Variants in SUPT3H observed in about 807,000 individuals in gnomAD.
SUPT3H encodes the protein transcription initiation protein SPT3 homolog.
SUPT3H carries 44 observed loss-of-function variants against 44.3 expected under a neutral mutation model. The ratio of observed to expected loss-of-function variants is 0.99; its 90% CI spans 0.78 to 1.28. SUPT3H has a LOEUF of 1.28. Ranked by LOEUF, SUPT3H falls within the 50% of genes most tolerant of loss-of-function variation. The pLI is 0.00. For missense variants in SUPT3H, 380 were observed against 387.1 expected (o/e 0.98, Z 0.15); for synonymous variants, 124 against 125.6 (o/e 0.99, Z 0.09).
At chr6:45,079,181 A>T (rs528602228) in intron 3 of SUPT3H, among the ~76,000 whole-genome samples, 1 of 152,048 alleles carries the variant, frequency 6.6e-6, no homozygotes, top group African/African-American at 2.4e-5. Flanking sequence ...GTGGCAGCAC[A>T]GGCCTGTAGT....
chr6:45,198,029 T>TA (rs987392347), intron 2 of SUPT3H, among the ~76,000 whole-genome samples: 3 of 151,202 alleles, frequency 2.0e-5, no homozygotes, highest in African/African-American at 7.3e-5. Context: ...TTTCTAGAAA[T>TA]AAAAAAATCT....
intron 5 of SUPT3H, among the ~76,000 whole-genome samples, chr6:45,012,966 AG>A (rs907815772): frequency 6.6e-6 from 1 of 152,204 alleles, no homozygotes; most frequent in African/African-American, 2.4e-5. Context: ...AGTTTTAGTC[AG>A]GGGGTGTTTG....
At chr6:45,240,293 C>G (rs757593784) in intron 2 of SUPT3H, among the ~76,000 whole-genome samples, 1 of 152,098 alleles carries the variant, frequency 6.6e-6, no homozygotes, top group African/African-American at 2.4e-5. Flanking sequence ...CCTGTCACAA[C>G]GAGTAATTTA....
At chr6:44,902,660 C>T (rs1360961781) in intron 10 of SUPT3H, among the ~76,000 whole-genome samples, 1 of 152,176 alleles carries the variant, frequency 6.6e-6, no homozygotes, top group African/African-American at 2.4e-5. Context: ...GAATTGAACT[C>T]AGCTCTGCAC....
rs371186773 is a variant in SUPT3H, at chr6:45,342,011, C to T, written c.101+23190G>A. Among the ~76,000 whole-genome samples, 20 of 151,044 alleles carry T rather than the reference C, an allele frequency of 1.3e-4. No individual in the cohort carries two copies. The South Asian group carries it at 3.8e-3, about 28-fold the overall frequency. ...TTATTAACCTAGCATTAAAAAAAAA[C>T]GGAGACTGGACTGAAAAATATGGGC... is the stretch of plus-strand genomic sequence containing the variant. On this transcript the variant is annotated intron_variant, in intron 2 of 10. Coordinates refer to ENST00000371459, the MANE Select transcript of SUPT3H (RefSeq NM_003599.4).
At chr6:45,362,484 A>G (rs1051220889) in intron 2 of SUPT3H, among the ~76,000 whole-genome samples, 2 of 152,222 alleles carry the variant, frequency 1.3e-5, no homozygotes, top group African/African-American at 4.8e-5. Context: ...TGAAATATAC[A>G]TAAGCAAGAA....
chr6:45,320,340 T>C (rs749236708), intron 2 of SUPT3H, among the ~76,000 whole-genome samples: 2 of 152,070 alleles, frequency 1.3e-5, no homozygotes, highest in Non-Finnish European at 2.9e-5. Flanking sequence ...CACAGCTCAC[T>C]GCAGCCTGCA....
intron 2 of SUPT3H, among the ~76,000 whole-genome samples, chr6:45,112,924 T>C (rs1351341690): frequency 6.6e-6 from 1 of 151,828 alleles, no homozygotes; most frequent in Non-Finnish European, 1.5e-5. Context: ...TTCTGGATAC[T>C]CTGGTTAAGT....
Position 45,278,874 on chromosome 6 carries a change from C to T in SUPT3H, c.101+86327G>A, listed in dbSNP as rs573263678. Among the ~76,000 whole-genome samples the T allele has an allele frequency of 3.9e-5, 6 of 152,108 alleles. No individual in the cohort carries two copies. The South Asian group carries it at 1.0e-3, about 26-fold the overall frequency. ...TTATTCATGAATAAGACAATAAACA[C>T]AAAAAGTGCTAATTGTGACCTTCAA... On this transcript the variant is annotated intron_variant, in intron 2 of 10. Transcript: ENST00000371459.
intron 2 of SUPT3H, among the ~76,000 whole-genome samples, chr6:45,171,805 C>T (rs1376075385): frequency 1.5e-5 from 2 of 135,168 alleles, no homozygotes; most frequent in African/African-American, 5.6e-5. Flanking sequence ...GCAACCTCTG[C>T]CACCCAGGTT....
intron 10 of SUPT3H, among the ~76,000 whole-genome samples, chr6:44,846,115 C>G (rs942470414): frequency 7.9e-5 from 12 of 152,268 alleles, no homozygotes; most frequent in African/African-American, 2.6e-4. Flanking sequence ...CAGTGGGGCA[C>G]TGAACAAGCG....
intron 10 of SUPT3H, among the ~76,000 whole-genome samples, chr6:44,922,921 C>T (rs1768957150): frequency 6.6e-6 from 1 of 152,088 alleles, no homozygotes; most frequent in African/African-American, 2.4e-5. Context: ...TTAAAAGAAT[C>T]CTGTAATTTT....
intron 10 of SUPT3H, among the ~76,000 whole-genome samples, chr6:44,886,426 A>G (rs1169171938): frequency 1.3e-5 from 2 of 152,232 alleles, no homozygotes; most frequent in Admixed American, 6.5e-5. Context: ...CTCTCGCCAG[A>G]AACTCCACAA....
At chr6:44,860,206 T>C (rs534093249) in intron 10 of SUPT3H, among the ~76,000 whole-genome samples, 1 of 152,346 alleles carries the variant, frequency 6.6e-6, no homozygotes, top group African/African-American at 2.4e-5. Context: ...GTGAATATAG[T>C]TGCAAATAAA....
At chr6:45,114,488 T>C (rs1226659864) in intron 2 of SUPT3H, among the ~76,000 whole-genome samples, 1 of 152,074 alleles carries the variant, frequency 6.6e-6, no homozygotes, top group African/African-American at 2.4e-5. Flanking sequence ...AGAAAAAATA[T>C]ATAAATCAGA....
chr6:45,007,670 A>G (rs534800081), intron 5 of SUPT3H, among the ~76,000 whole-genome samples: 1 of 151,110 alleles, frequency 6.6e-6, no homozygotes. Context: ...GCTGGCAGAT[A>G]TTACGTTCTG....
intron 10 of SUPT3H, among the ~76,000 whole-genome samples, chr6:44,904,103 C>T (rs181177547): frequency 4.6e-4 from 70 of 152,302 alleles, no homozygotes; most frequent in Non-Finnish European, 7.2e-4. Context: ...CGGAAGCATT[C>T]CCTTTGAAAA....
At chr6:45,234,741 A>C (rs1255953130) in intron 2 of SUPT3H, among the ~76,000 whole-genome samples, 1 of 152,102 alleles carries the variant, frequency 6.6e-6, no homozygotes, top group Non-Finnish European at 1.5e-5. Flanking sequence ...AAATGTAAAC[A>C]AACTATAGCT....
At chr6:44,966,857 A>G (rs1776851150) in intron 6 of SUPT3H, among the ~76,000 whole-genome samples, 1 of 152,210 alleles carries the variant, frequency 6.6e-6, no homozygotes, top group Non-Finnish European at 1.5e-5. Flanking sequence ...ATGATTTATC[A>G]TGGCTTTTAT....
Sources: gnomAD v4.1 joint callset for allele counts (sites outside exome capture counted in the v4.1 genomes callset) on GRCh38, gnomAD v4.1.1 for gene constraint, MANE v1.5 for transcripts, NCBI Gene and HGNC (gene_info 2026-07-23, HGNC 2026-07-21) for gene names.